Variants in GRIA4 observed in about 807,000 individuals in gnomAD.
The protein encoded by GRIA4 is glutamate ionotropic receptor AMPA type subunit 4, also known as glutamate receptor 4.
GRIA4 carries 34 observed loss-of-function variants against 104.0 expected under a neutral mutation model. That is an observed-to-expected ratio of 0.33 (90% confidence interval 0.25 to 0.44). GRIA4 has a LOEUF of 0.44. Ranked by LOEUF, GRIA4 falls within the 20% of genes least tolerant of loss-of-function variation. GRIA4 has a pLI of 1.00. For synonymous variants in GRIA4, 386 were observed against 381.9 expected (o/e 1.01, Z -0.13); for missense variants, 750 against 1,096.5 (o/e 0.68, Z 4.46).
At position 105,632,250 on chromosome 11, in the gene GRIA4, T is replaced by C. The variant is rs73636721; in HGVS notation, c.247+19816T>C. Among the ~76,000 whole-genome samples the C allele has an allele frequency of 4.9e-3, 748 of 152,284 alleles. 10 individuals carry two copies. Among genetic ancestry groups the C allele is most frequent in the African/African-American group, 0.017 (715 of 41,544 alleles). The stretch of plus-strand genomic sequence containing the variant: ...TTACTCCTCTCTCATCTCTTATAAT[T>C]TCTTACTGTTTTGGGTTCTCTTCAG... On this transcript the variant is annotated intron_variant, in intron 3 of 16. Coordinates refer to ENST00000282499, the MANE Select transcript of GRIA4 (RefSeq NM_000829.4).
At chr11:105,870,079 A>G (rs1452554614) in intron 5 of GRIA4, among the ~76,000 whole-genome samples, 1 of 151,936 alleles carries the variant, frequency 6.6e-6, no homozygotes, top group East Asian at 1.9e-4. Flanking sequence ...TTATTCATCC[A>G]AAGTCTAGAC....
At chr11:105,779,321 T>C (rs1215364461) in intron 4 of GRIA4, among the ~76,000 whole-genome samples, 1 of 152,066 alleles carries the variant, frequency 6.6e-6, no homozygotes, top group Non-Finnish European at 1.5e-5. Context: ...CATTCCATGC[T>C]CATGGGTGGG....
At chr11:105,716,312 T>A (rs1254337050) in intron 3 of GRIA4, among the ~76,000 whole-genome samples, 1 of 152,152 alleles carries the variant, frequency 6.6e-6, no homozygotes, top group Non-Finnish European at 1.5e-5. Context: ...CAGCTCCTAT[T>A]TACATAGTAA....
chr11:105,944,622 T>A (rs1283597675), intron 14 of GRIA4, among the ~76,000 whole-genome samples: 4 of 152,168 alleles, frequency 2.6e-5, no homozygotes, highest in South Asian at 2.1e-4. Flanking sequence ...AACTACTATG[T>A]AGCACACCCA....
chr11:105,693,084 A>G (rs1407425672), intron 3 of GRIA4, among the ~76,000 whole-genome samples: 3 of 152,194 alleles, frequency 2.0e-5, no homozygotes, highest in Admixed American at 1.3e-4. Context: ...ATAGGTTGTT[A>G]TTCTTTATAT....
intron 14 of GRIA4, among the ~76,000 whole-genome samples, chr11:105,952,325 A>C (rs937107667): frequency 5.3e-5 from 8 of 152,154 alleles, no homozygotes; most frequent in African/African-American, 1.7e-4. Context: ...ACTTTCATTG[A>C]ATTCTAAAAG....
Position 105,668,675 on chromosome 11 carries a change from G to GTTTTTTTTTTTTTTTTTTTTTTTTT in GRIA4, c.247+56242_247+56243insTTTTTTTTTTTTTTTTTTTTTTTTT, listed in dbSNP as rs368844903. On this transcript the variant is annotated intron_variant, in intron 3 of 16. Coordinates refer to ENST00000282499, the MANE Select transcript of GRIA4 (RefSeq NM_000829.4). The stretch of plus-strand genomic sequence containing the variant: ...TCCTTGACAACACTTATTATCTTTT[G>GTTTTTTTTTTTTTTTTTTTTTTTTT]TCTTTTTTTTTTTTTTTGAGATAGA... Among the ~76,000 whole-genome samples the GTTTTTTTTTTTTTTTTTTTTTTTTT allele has an allele frequency of 6.6e-5, 8 of 121,450 alleles. 3 individuals carry two copies. Among genetic ancestry groups the GTTTTTTTTTTTTTTTTTTTTTTTTT allele is most frequent in the Admixed American group, 9.9e-5 (1 of 10,152 alleles). The allele number at this position is 121,450 out of a possible 152,430, so 79.7% of individuals were successfully genotyped here. A position where few individuals can be genotyped will look rare whatever the true frequency, so the allele number is the denominator to read the frequency against.
intron 4 of GRIA4, among the ~76,000 whole-genome samples, chr11:105,767,602 G>T (rs1273607086): frequency 6.6e-6 from 1 of 152,048 alleles, no homozygotes; most frequent in East Asian, 1.9e-4. Context: ...TGAAAAAGTT[G>T]CTTTTAAGTA....
At chr11:105,962,247 AATG>A (rs1490340786) in intron 14 of GRIA4, among the ~76,000 whole-genome samples, 4 of 152,160 alleles carry the variant, frequency 2.6e-5, no homozygotes, top group African/African-American at 7.2e-5. Context: ...TATATAATTT[AATG>A]ATAAGTTATT....
intron 3 of GRIA4, among the ~76,000 whole-genome samples, chr11:105,679,531 T>C (rs772940212): frequency 1.3e-5 from 2 of 152,130 alleles, no homozygotes; most frequent in African/African-American, 2.4e-5. Context: ...GAGCAACCCT[T>C]ATCCCAGAAG....
intron 10 of GRIA4, chr11:105,912,466 A>C: frequency 1.1e-6 from 1 of 952,138 alleles, no homozygotes; most frequent in Non-Finnish European, 1.2e-6. Context: ...AGTTTTTAGG[A>C]AGCATGCTAT....
At chr11:105,899,029 C>A (rs1946762399) in intron 7 of GRIA4, among the ~76,000 whole-genome samples, 1 of 152,152 alleles carries the variant, frequency 6.6e-6, no homozygotes, top group Non-Finnish European at 1.5e-5. Flanking sequence ...TAAATTCCAA[C>A]TTAGTGGTTT....
chr11:105,861,975 T>A, intron 4 of GRIA4, 49 bp from the exon 5 acceptor site: 1 of 1,148,262 alleles, frequency 8.7e-7, no homozygotes. Context: ...CATACATCAT[T>A]AAAGGGGAGT....
intron 3 of GRIA4, among the ~76,000 whole-genome samples, chr11:105,689,816 T>C (rs1387467045): frequency 6.6e-6 from 1 of 152,184 alleles, no homozygotes; most frequent in Non-Finnish European, 1.5e-5. Context: ...ACCCAGAACT[T>C]TGTGGTTCAG....
At chr11:105,631,907 TC>T (rs899525606) in intron 3 of GRIA4, among the ~76,000 whole-genome samples, 3 of 151,562 alleles carry the variant, frequency 2.0e-5, no homozygotes, top group Non-Finnish European at 4.4e-5. Flanking sequence ...AATGAGGAGG[TC>T]AAGGAGGGGT....
At position 105,895,112 on chromosome 11, in the gene GRIA4, T is replaced by C. The variant is rs1478782755; in HGVS notation, c.727-3157T>C. On this transcript the variant is annotated intron_variant, in intron 6 of 16. Coordinates refer to ENST00000282499, the MANE Select transcript of GRIA4 (RefSeq NM_000829.4). ...CCGCGCCCGGCCTATTGCTACATAT[T>C]TTATTCCCACCAAAAAATAAACAAA... Among the ~76,000 whole-genome samples, 3 of 152,138 alleles carry C rather than the reference T, an allele frequency of 2.0e-5. No individual in the cohort carries two copies. In the East Asian group the frequency reaches 5.8e-4, roughly 29 times the overall value.
At chr11:105,871,787 T>C (rs1465094128) in intron 5 of GRIA4, among the ~76,000 whole-genome samples, 2 of 152,010 alleles carry the variant, frequency 1.3e-5, no homozygotes, top group Admixed American at 6.6e-5. Context: ...AACATGCAAA[T>C]GTAAAACCCT....
At chr11:105,943,330 A>AAAT (rs1948227623) in intron 14 of GRIA4, among the ~76,000 whole-genome samples, 1 of 152,154 alleles carries the variant, frequency 6.6e-6, no homozygotes, top group Middle Eastern at 3.2e-3. Context: ...AATGTTTGGC[A>AAAT]CGGTACAAAT....
chr11:105,782,464 A>C (rs1313434212), intron 4 of GRIA4, among the ~76,000 whole-genome samples: 1 of 152,208 alleles, frequency 6.6e-6, no homozygotes, highest in Non-Finnish European at 1.5e-5. Flanking sequence ...CAAATAATAC[A>C]TGATTTCAGT....
Sources: allele counts gnomAD v4.1 joint callset (sites outside exome capture counted in the v4.1 genomes callset), GRCh38; gene constraint gnomAD v4.1.1; transcripts MANE v1.5; gene names NCBI Gene and HGNC (gene_info 2026-07-23, HGNC 2026-07-21).